Variants in GPR107 observed in about 807,000 individuals in gnomAD.
The protein encoded by GPR107 is protein GPR107.
GPR107 carries 31 observed loss-of-function variants against 75.5 expected under a neutral mutation model. That is an observed-to-expected ratio of 0.41 (90% CI 0.31 to 0.55). The LOEUF is 0.55. GPR107 is among the 20% of genes least tolerant of loss of function. The pLI is 0.26. For synonymous variants in GPR107, 267 were observed against 251.3 expected (o/e 1.06, Z -0.59); for missense variants, 572 against 665.7 (o/e 0.86, Z 1.55).
At chr9:130,127,911 C>T (rs1196188963) in intron 16 of GPR107, among the ~76,000 whole-genome samples, 1 of 152,142 alleles carries the variant, frequency 6.6e-6, no homozygotes, top group East Asian at 1.9e-4. Flanking sequence ...CAGTGTTGGC[C>T]AGGCTGGTCT....
chr9:130,068,478 G>T (rs1461084821), intron 1 of GPR107, among the ~76,000 whole-genome samples: 1 of 151,932 alleles, frequency 6.6e-6, no homozygotes, highest in African/African-American at 2.4e-5. Flanking sequence ...ATAACATGTG[G>T]GTTAATATAA....
chr9:130,054,152 G>C (rs1589471700), intron 1 of GPR107, 79 bp downstream of exon 1: 1 of 1,333,872 alleles, frequency 7.5e-7, no homozygotes, highest in Non-Finnish European at 1.0e-6. Context: ...GGCCCATTGG[G>C]GACCTCTGAG....
chr9:130,117,669 C>CGTTATTTCTTTA (rs1467756821), intron 14 of GPR107, among the ~76,000 whole-genome samples: 3 of 152,210 alleles, frequency 2.0e-5, no homozygotes, highest in Non-Finnish European at 4.4e-5. Flanking sequence ...GCCAGCCAGG[C>CGTTATTTCTTTA]TGTCCATCGT....
At position 130,079,735 on chromosome 9, in the gene GPR107, T is replaced by G. The variant is rs568241532; in HGVS notation, c.492T>G (p.Pro164=). The change falls in exon 5 of 18, where the codon CCT becomes CCG. Residue 164 remains proline, a synonymous_variant. Coordinates refer to ENST00000347136, the MANE Select transcript of GPR107 (RefSeq NM_020960.5). ...LGQSQEPNVN[P]ASAGNQTQKT... ...AGAGCCAGGAGCCTAATGTTAACCC[T>G]GCTTCAGCAGGCAACCAGACCCAGA... 3.3e-5 allele frequency: 53 copies of G among 1,612,632 alleles called. No individual in the cohort carries two copies. In the Admixed American group the frequency reaches 8.2e-4, roughly 25 times the overall value.
At chr9:130,078,536 G>T (rs1830415059) in intron 4 of GPR107, among the ~76,000 whole-genome samples, 1 of 152,230 alleles carries the variant, frequency 6.6e-6, no homozygotes, top group South Asian at 2.1e-4. Context: ...ACTTGACTTA[G>T]ACTCTGGCGT....
intron 15 of GPR107, among the ~76,000 whole-genome samples, chr9:130,126,209 A>G (rs561368158): frequency 7.0e-6 from 1 of 143,414 alleles, no homozygotes; most frequent in East Asian, 2.1e-4. Context: ...GATGGACATG[A>G]AAAGTTCTAT....
intron 1 of GPR107, among the ~76,000 whole-genome samples, chr9:130,056,011 G>T (rs1022754927): frequency 7.8e-6 from 1 of 128,046 alleles, no homozygotes; most frequent in African/African-American, 2.9e-5. Context: ...TTACTTTTTG[G>T]TAACAACTTT....
Position 130,090,916 on chromosome 9 carries a change from A to G in GPR107, c.662A>G (p.Tyr221Cys). Reference protein sequence around the residue: ...NISTDDQEGLYSLYFHKCLGK... With the variant: ...NISTDDQEGLCSLYFHKCLGK... ...AGCACTGATGACCAAGAAGGCCTTT[A>G]CAGTCTTTATTTTCATAAATGCCTT... Residue 221 changes from tyrosine to cysteine, a missense_variant, in exon 8 of 18, where the codon TAC becomes TGC. Transcript: ENST00000347136. The G allele has an allele frequency of 6.4e-7, 1 of 1,553,866 alleles. No homozygotes were observed. Among genetic ancestry groups the G allele is most frequent in the Non-Finnish European group, 8.9e-7 (1 of 1,125,790 alleles).
At chr9:130,100,190 C>T (rs539548315) in intron 10 of GPR107, among the ~76,000 whole-genome samples, 3 of 152,196 alleles carry the variant, frequency 2.0e-5, no homozygotes, top group African/African-American at 4.8e-5. Flanking sequence ...CCACCACGCC[C>T]GGCCTCCACG....
In GPR107 at chr9:130,135,316, A is replaced by T; in HGVS notation, c.*195A>T. 1.4e-5 allele frequency: 6 copies of T among 442,122 alleles called. No homozygotes were observed. Among genetic ancestry groups the T allele is most frequent in the Non-Finnish European group, 2.4e-5 (6 of 247,916 alleles). 27.4% of individuals were successfully genotyped at this position (442,122 alleles called of 1,614,324 possible). A position where few individuals can be genotyped will look rare whatever the true frequency, so the allele number is the denominator to read the frequency against. ...ATGGAAACGATCTGTGGCTGTTTAGAGGCAGCTGGATCCTCTTTCAGGCGG... is the reference window on the plus strand; with the variant it reads ...ATGGAAACGATCTGTGGCTGTTTAGTGGCAGCTGGATCCTCTTTCAGGCGG... On this transcript the variant is annotated 3_prime_UTR_variant, in exon 18 of 18. Transcript: ENST00000347136.
At chr9:130,117,798 C>A in intron 14 of GPR107, among the ~76,000 whole-genome samples, 1 of 152,270 alleles carries the variant, frequency 6.6e-6, no homozygotes, top group East Asian at 1.9e-4. Context: ...GCTGTCCTTA[C>A]ACTCAGGGAA....
chr9:130,056,945 A>G (rs953855034), intron 1 of GPR107, among the ~76,000 whole-genome samples: 29 of 149,042 alleles, frequency 1.9e-4, no homozygotes, highest in Middle Eastern at 3.4e-3. Flanking sequence ...AAAAAAAAAA[A>G]AAAAAAGAAA....
chr9:130,102,433 C>T (rs1831054495), intron 12 of GPR107, among the ~76,000 whole-genome samples: 1 of 152,184 alleles, frequency 6.6e-6, no homozygotes, highest in Non-Finnish European at 1.5e-5. Flanking sequence ...GCATAGCCTT[C>T]CAGGAAGCCC....
chr9:130,135,476 G>T lies in GPR107; in HGVS notation c.*355G>T. The T allele has an allele frequency of 5.4e-6, 1 of 185,566 alleles. No individual in the cohort carries two copies. 11.5% of individuals were successfully genotyped at this position (185,566 alleles called of 1,614,324 possible). A position where few individuals can be genotyped will look rare whatever the true frequency, so the allele number is the denominator to read the frequency against. ...GTTGTGACCCCATGTGTGGGGAAGT[G>T]TAGCAAGGACGGCTGGTGGAGGGGG... On this transcript the variant is annotated 3_prime_UTR_variant, in exon 18 of 18. Coordinates refer to ENST00000347136, the MANE Select transcript of GPR107 (RefSeq NM_020960.5).
intron 17 of GPR107, 72 bp from the exon 18 acceptor site, chr9:130,134,953 T>C (rs1263525810): frequency 2.0e-5 from 17 of 837,318 alleles, no homozygotes; most frequent in Admixed American, 3.9e-5. Flanking sequence ...CTAATCACCG[T>C]GCTGTGGCAG....
chr9:130,061,763 G>A (rs35484608), intron 1 of GPR107, among the ~76,000 whole-genome samples: 8,548 of 152,120 alleles, frequency 0.056, 302 homozygotes, highest in Middle Eastern at 0.092. Flanking sequence ...GGCCAACATG[G>A]TGAAATACTT....
At chr9:130,114,565 T>C (rs1831378919) in intron 14 of GPR107, 1 of 444,164 alleles carries the variant, frequency 2.3e-6, no homozygotes. Context: ...AAAATTTTTT[T>C]TGTGGAGATA....
At chr9:130,107,803 T>C (rs764763766) in intron 14 of GPR107, among the ~76,000 whole-genome samples, 24 of 152,180 alleles carry the variant, frequency 1.6e-4, no homozygotes, top group Non-Finnish European at 3.1e-4. Context: ...GGTTGTGATT[T>C]TCACCTTCTC....
At chr9:130,071,035 CTTTTTTTTTTTT>C (rs56799662) in intron 1 of GPR107, among the ~76,000 whole-genome samples, 1 of 98,178 alleles carries the variant, frequency 1.0e-5, no homozygotes, top group Non-Finnish European at 1.8e-5. Flanking sequence ...TTTTTTTTTT[CTTTTTTTTTTTT>C]TTTTTTGAGA....
Sources: gnomAD v4.1 joint callset for allele counts (sites outside exome capture counted in the v4.1 genomes callset) on GRCh38, gnomAD v4.1.1 for gene constraint, MANE v1.5 for transcripts, NCBI Gene and HGNC (gene_info 2026-07-23, HGNC 2026-07-21) for gene names.